Variants in KMT5C observed in about 807,000 individuals in gnomAD.
The protein encoded by KMT5C is lysine methyltransferase 5C, also known as histone-lysine N-methyltransferase KMT5C.
In KMT5C, 16 loss-of-function variants were observed where a neutral mutation model predicts 38.2. The ratio of observed to expected loss-of-function variants is 0.42; its 90% CI spans 0.28 to 0.64. KMT5C has a LOEUF of 0.64. KMT5C is among the 30% of genes least tolerant of loss of function. The probability of loss-of-function intolerance (pLI) is 0.23; values close to 1 mark genes in which losing one functional copy is unlikely to be tolerated. For synonymous variants in KMT5C, 291 were observed against 279.0 expected, an observed-to-expected ratio of 1.04 and a Z score of -0.43; for missense variants, 598 against 665.1, an observed-to-expected ratio of 0.90 and a Z score of 1.11.
intron 6 of KMT5C, chr19:55,345,080 G>A: frequency 2.2e-6 from 1 of 456,064 alleles, no homozygotes. Context: ...GGCATTCGGA[G>A]AGGCTCTGCA....
intron 6 of KMT5C, 96 bp downstream of exon 6, chr19:55,344,093 G>A (rs781606065): frequency 3.4e-5 from 47 of 1,368,132 alleles, no homozygotes; most frequent in Middle Eastern, 1.9e-4. Context: ...GCCAAACACC[G>A]GCCGGGCGCG....
intron 6 of KMT5C, chr19:55,344,848 G>T: frequency 2.1e-6 from 1 of 482,832 alleles, no homozygotes; most frequent in Non-Finnish European, 4.3e-6. Context: ...GGCACCCCGG[G>T]AGGCATGACA....
intron 1 of KMT5C, among the ~76,000 whole-genome samples, chr19:55,341,410 G>A (rs939896280): frequency 1.3e-5 from 2 of 152,210 alleles, no homozygotes; most frequent in Admixed American, 6.5e-5. Context: ...GGGGGTGGAG[G>A]GCGGGACCTC....
intron 6 of KMT5C, chr19:55,344,227 T>C: frequency 2.4e-6 from 1 of 412,626 alleles, no homozygotes; most frequent in Non-Finnish European, 4.5e-6. Flanking sequence ...TCGGGCGTGG[T>C]GGCGGGCGCC....
At position 55,343,861 on chromosome 19, in the gene KMT5C, G is replaced by T; in HGVS notation, c.550+18G>T. 6.2e-7 allele frequency: 1 copy of T among 1,613,154 alleles called. No individual in the cohort carries two copies. Among genetic ancestry groups the T allele is most frequent in the Non-Finnish European group, 8.5e-7 (1 of 1,179,386 alleles). The stretch of plus-strand genomic sequence containing the variant: ...CAACCATGGTGAGGGTCAGGCAGGT[G>T]GATGGGCAGGACGGGATAGAGCCAG... On this transcript the variant is annotated intron_variant, in intron 5 of 8. Transcript: ENST00000255613. This position sits in a 1 kb window ranked among gnomAD's most constrained non-coding sequence, Gnocchi z 5.5.
chr19:55,344,631 C>T (rs538671426), intron 6 of KMT5C: 26 of 494,234 alleles, frequency 5.3e-5, no homozygotes, highest in African/African-American at 3.1e-4. Context: ...GTGGTGGGAG[C>T]CCCCGGCCTT....
Position 55,341,903 on chromosome 19 carries a change from T to G in KMT5C, c.-34T>G. The G allele has an allele frequency of 6.4e-7, 1 of 1,569,222 alleles. No homozygotes were observed. Among genetic ancestry groups the G allele is most frequent in the East Asian group, 2.2e-5 (1 of 44,644 alleles). On this transcript the variant is annotated 5_prime_UTR_variant, in exon 2 of 9. Transcript: ENST00000255613. Reference sequence around the variant, plus strand: ...CTGCCTTGCCCTCACCTGCTCCTGCTCTCTGCCAGAGGCAGCATGGTCCGC... The same window carrying G: ...CTGCCTTGCCCTCACCTGCTCCTGCGCTCTGCCAGAGGCAGCATGGTCCGC...
At position 55,342,329 on chromosome 19, in the gene KMT5C, C is replaced by T. The variant is rs1268915664; in HGVS notation, c.225C>T (p.Ala75=). Residue 75 remains alanine (A), a synonymous_variant, in exon 3 of 9, where the codon GCC becomes GCT. Transcript: ENST00000255613. ...CCCTGACGCTGGGAGGCTGGACGGC[C>T]CGCTACTTCCAGAGCCGGGGCCCGC... ...YRALTLGGWT[A]RYFQSRGPRQ... is the part of the protein sequence containing the mutation. The T allele has an allele frequency of 3.2e-6, 5 of 1,566,770 alleles. No homozygotes were observed. The highest frequency in any genetic ancestry group is 2.6e-6 in the Non-Finnish European group (3 of 1,157,906).
rs368320166 is a variant in KMT5C, at chr19:55,342,000, G to A, written c.64G>A (p.Val22Ile). 1.8e-5 allele frequency: 29 copies of A among 1,613,686 alleles called. 1 individual carries two copies. The highest frequency in any genetic ancestry group is 1.5e-4 in the South Asian group (14 of 91,092). Residue 22 changes from valine (V) to isoleucine (I), a missense_variant, in exon 2 of 9, where the codon GTC (valine) becomes ATC (isoleucine). By Grantham distance (29) the Val-to-Ile change is conservative. Around this residue, in one of 3 missense-constraint regions of KMT5C, gnomAD observed 167 missense variants for 187.8 expected, o/e 0.89. Coordinates refer to ENST00000255613, the MANE Select transcript of KMT5C (RefSeq NM_032701.4). The part of the protein sequence containing the change: ...CENDDLATSL[V>I]LDPYLGFRTH... ...GAACGACGACCTGGCCACCAGCCTC[G>A]TCCTGGACCCCTACCTCGGTTTCCG...
rs1404676683 is a variant in KMT5C, at chr19:55,341,909, C to T, written c.-28C>T. On this transcript the variant is annotated 5_prime_UTR_variant, in exon 2 of 9. Transcript: ENST00000255613. ...TGCCCTCACCTGCTCCTGCTCTCTG[C>T]CAGAGGCAGCATGGTCCGCAGGGCA... 2 of 1,586,934 alleles carry T rather than the reference C, an allele frequency of 1.3e-6. No homozygotes were observed. Among genetic ancestry groups the T allele is most frequent in the Admixed American group, 1.7e-5 (1 of 59,906 alleles).
rs1381884078 is a variant in KMT5C at position 55,345,986 on chromosome 19, C to A, written c.571-227C>A. Reference sequence around the variant, plus strand: ...CCAGAAGGTCAGGTTAGATCATCGTCCTGCAGGGAGGGGTGGAAACCAGCC... The same window carrying A: ...CCAGAAGGTCAGGTTAGATCATCGTACTGCAGGGAGGGGTGGAAACCAGCC... On this transcript the variant is annotated intron_variant, in intron 6 of 8. Transcript: ENST00000255613. 6.8e-6 allele frequency: 4 copies of A among 587,734 alleles called. No homozygotes were observed. In the East Asian group the frequency reaches 1.1e-4, roughly 17 times the overall value. 36.4% of individuals were successfully genotyped at this position (587,734 alleles called of 1,614,324 possible).
At chr19:55,344,716 G>A (rs762379960) in intron 6 of KMT5C, 4 of 523,802 alleles carry the variant, frequency 7.6e-6, no homozygotes, top group South Asian at 4.3e-5. Context: ...GACTCAGGAT[G>A]CTGTCCAGAC....
Position 55,346,175 on chromosome 19 carries a change from TGCCCTGG to T in KMT5C, c.571-34_571-28del, listed in dbSNP as rs777174220. On this transcript the variant is annotated intron_variant, in intron 6 of 8. Transcript: ENST00000255613. ...TGGGGAGTGGGTGAGCCCTCCCCTGTGCCCTGGGCCAGGGCGCTGAGTGGGCTTGGCC... is the reference window on the plus strand; with the variant it reads ...TGGGGAGTGGGTGAGCCCTCCCCTGTGCCAGGGCGCTGAGTGGGCTTGGCC... 1.2e-6 allele frequency: 2 copies of T among 1,611,936 alleles called. 1 individual carries two copies. The highest frequency in any genetic ancestry group is 2.2e-5 in the South Asian group (2 of 91,056).
rs377152615 is a variant in KMT5C, at chr19:55,346,542, G to A, written c.750G>A (p.Ala250=). Residue 250 remains alanine, a synonymous_variant, in exon 8 of 9, where the codon GCG becomes GCA. Coordinates refer to ENST00000255613, the MANE Select transcript of KMT5C (RefSeq NM_032701.4). ...TCCGAACCAGGCCTAGGGAGCCCGC[G>A]TTGCCACCACGGCCCCTGGACAAGT... The part of the protein sequence containing the change: ...GAFRTRPREP[A]LPPRPLDKYQ... 1.6e-5 allele frequency: 26 copies of A among 1,596,746 alleles called. No individual in the cohort carries two copies. The highest frequency in any genetic ancestry group is 2.1e-5 in the Non-Finnish European group (25 of 1,172,332).
In KMT5C at chr19:55,342,249, C is replaced by T. The variant is rs1012852861; in HGVS notation, c.145C>T (p.Arg49Cys). The stretch of plus-strand genomic sequence containing the variant: ...CCCCCTGCGGCGACAGCAGCACCTG[C>T]GCTCAGCGCTGGAAACTTTCCTGAG... ...VPPLRRQQHL[R>C]SALETFLRQR... Residue 49 changes from arginine to cysteine, a missense_variant, in exon 3 of 9, where the codon CGC becomes TGC. By Grantham distance (180) the Arg-to-Cys change is radical. This residue lies in a region of KMT5C where 167 missense variants were observed against 187.8 expected (regional missense o/e 0.89). Coordinates refer to ENST00000255613, the MANE Select transcript of KMT5C (RefSeq NM_032701.4). The T allele has an allele frequency of 6.2e-6, 10 of 1,609,318 alleles. No individual in the cohort carries two copies. The highest frequency in any genetic ancestry group is 2.2e-5 in the East Asian group (1 of 44,716).
Position 55,343,131 on chromosome 19 carries a change from T to A in KMT5C, c.386+280T>A. The A allele has an allele frequency of 7.9e-6, 3 of 381,854 alleles. No homozygotes were observed. Among genetic ancestry groups the A allele is most frequent in the East Asian group, 5.0e-5 (1 of 20,008 alleles). The allele number at this position is 381,854 out of a possible 1,614,324, so 23.7% of individuals were successfully genotyped here. A position where few individuals can be genotyped will look rare whatever the true frequency, so the allele number is the denominator to read the frequency against. ...GTGCTGTCCTTACCTCCTTGTGACC[T>A]GAGCCCCCACCACATGTTAAACACC... On this transcript the variant is annotated intron_variant, in intron 4 of 8. Transcript: ENST00000255613. This position sits in a 1 kb window ranked among gnomAD's most constrained non-coding sequence, Gnocchi z 5.5.
chr19:55,341,395 G>A (rs1259468369), intron 1 of KMT5C, among the ~76,000 whole-genome samples: 2 of 152,138 alleles, frequency 1.3e-5, no homozygotes, highest in African/African-American at 4.8e-5. Flanking sequence ...AGGCTGGGTC[G>A]AGGTGGGGGT....
intron 2 of KMT5C, 60 bp downstream of exon 2, chr19:55,342,106 C>G (rs2089564175): frequency 1.3e-6 from 2 of 1,574,350 alleles, no homozygotes; most frequent in Admixed American, 1.7e-5. Flanking sequence ...CCTTGCACCG[C>G]TGCCGCCCCT....
At chr19:55,342,157 G>A (rs1362066339) in intron 2 of KMT5C, 58 bp from the exon 3 acceptor site, 3 of 1,591,262 alleles carry the variant, frequency 1.9e-6, no homozygotes, top group South Asian at 2.2e-5. Context: ...AGCTCCAAGT[G>A]GGGGTTGGGG....
Sources: allele counts gnomAD v4.1 joint callset (sites outside exome capture counted in the v4.1 genomes callset), GRCh38; gene constraint gnomAD v4.1.1; regional missense constraint gnomAD v4.1.1; non-coding constraint Gnocchi (gnomAD v3.1); transcripts MANE v1.5; gene names NCBI Gene and HGNC (gene_info 2026-07-23, HGNC 2026-07-21).